Variants in ASAP2 observed in about 807,000 individuals in gnomAD.
ASAP2 encodes the protein arf-GAP with SH3 domain, ANK repeat and PH domain-containing protein 2.
In ASAP2, 45 loss-of-function variants were observed where a neutral mutation model predicts 131.4. The observed-to-expected ratio is 0.34, with a 90% CI of 0.27 to 0.44. ASAP2 has a LOEUF of 0.44. ASAP2 is among the 20% of genes least tolerant of loss of function. The pLI is 1.00. For missense variants in ASAP2, 1,011 were observed against 1,297.0 expected (o/e 0.78, Z 3.39); for synonymous variants, 510 against 503.0 (o/e 1.01, Z -0.19).
intron 1 of ASAP2, among the ~76,000 whole-genome samples, chr2:9,253,266 C>A (rs776559927): frequency 7.2e-5 from 11 of 151,992 alleles, no homozygotes; most frequent in Non-Finnish European, 1.3e-4. Context: ...TGGGTTCAAG[C>A]GATTCTCGTG....
Position 9,374,849 on chromosome 2 carries a change from T to C in ASAP2, c.1651T>C (p.Cys551Arg). ...TAACGCGGCGAAGCTTCACAGTCTT[T>C]GCGAGGCCGTCAAAACGAGAGATAT... ...ADNAAKLHSLCEAVKTRDIFG... is the reference protein window; with the variant it reads ...ADNAAKLHSLREAVKTRDIFG... Residue 551 changes from cysteine to arginine, a missense_variant, in exon 17 of 28, where the codon TGC becomes CGC. Physicochemically the swap from Cys to Arg is radical, Grantham distance 180 (BLOSUM62 -3). Coordinates refer to ENST00000281419, the MANE Select transcript of ASAP2 (RefSeq NM_003887.3). The C allele has an allele frequency of 1.2e-6, 2 of 1,614,146 alleles. No individual in the cohort carries two copies. The highest frequency in any genetic ancestry group is 1.7e-6 in the Non-Finnish European group (2 of 1,180,028).
intron 6 of ASAP2, among the ~76,000 whole-genome samples, chr2:9,324,087 G>C (rs1012356717): frequency 6.6e-6 from 1 of 152,192 alleles, no homozygotes; most frequent in Non-Finnish European, 1.5e-5. Context: ...CACAATGTGT[G>C]GGTGATGTTT....
intron 12 of ASAP2, among the ~76,000 whole-genome samples, chr2:9,355,354 C>T (rs901671972): frequency 1.3e-5 from 2 of 152,212 alleles, no homozygotes; most frequent in South Asian, 4.2e-4. Context: ...TGGTCAGACT[C>T]CCCTTAATTT....
intron 3 of ASAP2, among the ~76,000 whole-genome samples, chr2:9,317,701 C>A (rs929069440): frequency 6.6e-6 from 1 of 151,208 alleles, no homozygotes; most frequent in East Asian, 2.0e-4. Context: ...CCCTCACACG[C>A]CCACACACAC....
chr2:9,214,808 A>T (rs1283961627), intron 1 of ASAP2, among the ~76,000 whole-genome samples: 1 of 149,396 alleles, frequency 6.7e-6, no homozygotes, highest in East Asian at 2.0e-4. Flanking sequence ...AGTGAACAGG[A>T]CTAGCTCCTT....
In ASAP2 at chr2:9,231,073, G is replaced by T. The variant is rs565618030; in HGVS notation, c.126+23843G>T. 3.0e-4 allele frequency among the ~76,000 whole-genome samples: 45 copies of T among 152,298 alleles called. 1 individual carries two copies. The South Asian group carries it at 9.1e-3, about 31-fold the overall frequency. On this transcript the variant is annotated intron_variant, in intron 1 of 27. Coordinates refer to ENST00000281419, the MANE Select transcript of ASAP2 (RefSeq NM_003887.3). ...GTTCTATGTCGGTCACTTTCCCCAG[G>T]CCACTTCCTTCCTTTTTCTTCTTAT...
In ASAP2 at chr2:9,350,982, C is replaced by T. The variant is rs1053511880; in HGVS notation, c.1111+87C>T. 71 of 1,026,394 alleles carry T rather than the reference C, an allele frequency of 6.9e-5. No homozygotes were observed. The Admixed American group carries it at 9.7e-4, about 14-fold the overall frequency. The allele number at this position is 1,026,394 out of a possible 1,614,324, so 63.6% of individuals were successfully genotyped here. On this transcript the variant is annotated intron_variant, in intron 12 of 27. Coordinates refer to ENST00000281419, the MANE Select transcript of ASAP2 (RefSeq NM_003887.3). ...TCCTTCACATTTCAAACACTGCATTCGGAAGAATTGGTTTTTGAAGAGACA... is the reference window on the plus strand; with the variant it reads ...TCCTTCACATTTCAAACACTGCATTTGGAAGAATTGGTTTTTGAAGAGACA...
intron 1 of ASAP2, among the ~76,000 whole-genome samples, chr2:9,246,091 T>C (rs753682161): frequency 7.2e-5 from 11 of 152,076 alleles, no homozygotes; most frequent in Non-Finnish European, 2.9e-5. Context: ...GGTTTGGGAG[T>C]GTTGGCTTTA....
intron 1 of ASAP2, among the ~76,000 whole-genome samples, chr2:9,243,329 C>T (rs535872775): frequency 6.0e-4 from 91 of 152,244 alleles, no homozygotes; most frequent in African/African-American, 1.9e-3. Context: ...AGGATGGTCT[C>T]GATCTCCTGA....
At position 9,266,148 on chromosome 2, in the gene ASAP2, T is replaced by C. The variant is rs548544373; in HGVS notation, c.127-13169T>C. On this transcript the variant is annotated intron_variant, in intron 1 of 27. Transcript: ENST00000281419. ...TTATAAAAACGATTGCCTTTTTATC[T>C]TTTTTTTTTTTTTTTGGACACAGGA... Among the ~76,000 whole-genome samples, 283 of 31,446 alleles carry C rather than the reference T, an allele frequency of 9.0e-3. 2 individuals carry two copies. In the African/African-American group the frequency reaches 0.1, roughly 11 times the overall value. 20.6% of individuals were successfully genotyped at this position (31,446 alleles called of 152,430 possible).
At chr2:9,212,886 C>T (rs190090286) in intron 1 of ASAP2, among the ~76,000 whole-genome samples, 8 of 152,328 alleles carry the variant, frequency 5.3e-5, no homozygotes, top group East Asian at 1.9e-4. Flanking sequence ...TGAGAGCTTG[C>T]GAAGCACTGT....
chr2:9,225,773 G>T (rs1489830130), intron 1 of ASAP2, among the ~76,000 whole-genome samples: 3 of 152,092 alleles, frequency 2.0e-5, no homozygotes, highest in Non-Finnish European at 4.4e-5. Context: ...TGGTTGTAGG[G>T]GTCTGGATTA....
At chr2:9,236,117 G>T (rs184125017) in intron 1 of ASAP2, among the ~76,000 whole-genome samples, 6 of 152,208 alleles carry the variant, frequency 3.9e-5, no homozygotes, top group African/African-American at 1.4e-4. Flanking sequence ...TTCAGGTGAT[G>T]GTGGACTTGG....
chr2:9,208,830 T>G (rs1042043839), intron 1 of ASAP2, among the ~76,000 whole-genome samples: 1 of 152,252 alleles, frequency 6.6e-6, no homozygotes, highest in African/African-American at 2.4e-5. Context: ...AAAAGGTAGC[T>G]GAATATTTCT....
intron 15 of ASAP2, among the ~76,000 whole-genome samples, chr2:9,363,374 G>A (rs1308644155): frequency 1.3e-5 from 2 of 152,112 alleles, no homozygotes; most frequent in Non-Finnish European, 2.9e-5. Context: ...TTCTATAATG[G>A]TTGTATTATA....
chr2:9,209,710 C>G (rs1661395592), intron 1 of ASAP2, among the ~76,000 whole-genome samples: 1 of 152,236 alleles, frequency 6.6e-6, no homozygotes, highest in Non-Finnish European at 1.5e-5. Context: ...GCTGGGATTA[C>G]AGGCATGCGC....
chr2:9,374,206 C>T (rs1171957382), intron 16 of ASAP2, among the ~76,000 whole-genome samples: 2 of 152,218 alleles, frequency 1.3e-5, no homozygotes, highest in African/African-American at 4.8e-5. Context: ...AAGAGGACTG[C>T]CATTTCATTT....
chr2:9,355,781 G>C (rs1466777879), intron 12 of ASAP2, among the ~76,000 whole-genome samples: 1 of 152,156 alleles, frequency 6.6e-6, no homozygotes, highest in Non-Finnish European at 1.5e-5. Context: ...GATAGTGATG[G>C]TTTTCATTGA....
intron 3 of ASAP2, among the ~76,000 whole-genome samples, chr2:9,299,073 C>G (rs1668329480): frequency 1.3e-5 from 2 of 152,106 alleles, no homozygotes; most frequent in African/African-American, 2.4e-5. Context: ...GATTAATTCT[C>G]AAGGCCCAGC....
Sources: allele counts gnomAD v4.1 joint callset (sites outside exome capture counted in the v4.1 genomes callset), GRCh38; gene constraint gnomAD v4.1.1; transcripts MANE v1.5; gene names NCBI Gene and HGNC (gene_info 2026-07-23, HGNC 2026-07-21).